Variants in MSLN observed in about 807,000 individuals in gnomAD.
MSLN encodes the protein CAK1 antigen.
MSLN carries 82 observed loss-of-function variants against 72.6 expected under a neutral mutation model. The ratio of observed to expected loss-of-function variants is 1.13; its 90% confidence interval spans 0.94 to 1.36. MSLN has a LOEUF of 1.36. MSLN is among the 40% of genes most tolerant of loss of function. MSLN has a pLI of 0.00. For missense variants in MSLN, 1,005 were observed against 847.9 expected, an observed-to-expected ratio of 1.19 and a Z score of -2.30; for synonymous variants, 456 against 387.3, an observed-to-expected ratio of 1.18 and a Z score of -2.08.
intron 6 of MSLN, 92 bp downstream of exon 6, chr16:764,235 C>T: frequency 6.8e-7 from 1 of 1,472,736 alleles, no homozygotes; most frequent in Non-Finnish European, 9.1e-7. Flanking sequence ...ACCACGGTCC[C>T]CTCTGTCCCT....
At position 768,386 on chromosome 16, in the gene MSLN, CTG is replaced by C. The variant is rs1456552408; in HGVS notation, c.1607_1608del (p.Val536GlyfsTer2). On this transcript the variant is annotated frameshift_variant, in exon 17 of 18. Coordinates refer to ENST00000545450, the MANE Select transcript of MSLN (RefSeq NM_005823.6). LOFTEE classifies it high-confidence loss of function. The stretch of plus-strand genomic sequence containing the variant: ...GCCCGGGGTCTCTGGCAGCCGTTGA[CTG>C]TGGCTGAGGTGCAGAAACTTCTGGG... 2.0e-6 allele frequency: 3 copies of C among 1,506,290 alleles called. No homozygotes were observed. Among genetic ancestry groups the C allele is most frequent in the Non-Finnish European group, 2.7e-6 (3 of 1,126,330 alleles). The allele number at this position is 1,506,290 out of a possible 1,614,324, so 93.3% of individuals were successfully genotyped here.
At chr16:767,144 C>G in intron 15 of MSLN, 132 bp downstream of exon 15, 1 of 1,440,680 alleles carries the variant, frequency 6.9e-7, no homozygotes, top group Non-Finnish European at 9.5e-7. Flanking sequence ...CGCCCTCTGC[C>G]CCCCGGGGTG....
intron 16 of MSLN, among the ~76,000 whole-genome samples, chr16:768,042 A>AG (rs1272583321): frequency 2.1e-4 from 7 of 32,610 alleles, no homozygotes; most frequent in Non-Finnish European, 1.1e-4. Context: ...GGGCGCGTGG[A>AG]GGGGGCGCGT....
chr16:767,282 G>C (rs1030317836), intron 15 of MSLN, 94 bp from the exon 16 acceptor site: 5 of 1,241,976 alleles, frequency 4.0e-6, no homozygotes, highest in Non-Finnish European at 5.9e-6. Context: ...AAAAAGGGAA[G>C]CCCTGTAAGG....
chr16:763,602 A>T lies in MSLN; in HGVS notation c.130-40A>T, dbSNP rs142119663. 1,375 of 1,559,564 alleles carry T rather than the reference A, an allele frequency of 8.8e-4. 8 individuals are homozygous for T. In the African/African-American group the frequency reaches 0.017, roughly 19 times the overall value. ...GGACCTGGGAACTCCTGCTCCAGAG[A>T]GCTGGTCTGAGCCATGTTCAGCAGG... On this transcript the variant is annotated intron_variant, in intron 4 of 17. Coordinates refer to ENST00000545450, the MANE Select transcript of MSLN (RefSeq NM_005823.6).
In MSLN at chr16:766,372, A is replaced by C; in HGVS notation, c.1112A>C (p.His371Pro). The change falls in exon 13 of 18, where the codon CAC becomes CCC. Residue 371 changes from histidine (H) to proline (P), a missense_variant. Physicochemically the swap from His to Pro is moderately conservative, Grantham distance 77. Coordinates refer to ENST00000545450, the MANE Select transcript of MSLN (RefSeq NM_005823.6). ...GGTTACCCCGAGTCTGTGATCCAGC[A>C]CCTGGGCTACCTCTTCCTCAAGATG... is the stretch of plus-strand genomic sequence containing the variant. ...PQGYPESVIQ[H>P]LGYLFLKMSP... 6.2e-7 allele frequency: 1 copy of C among 1,612,676 alleles called. No homozygotes were observed. Among genetic ancestry groups the C allele is most frequent in the Non-Finnish European group, 8.5e-7 (1 of 1,179,912 alleles).
chr16:767,353 C>G, intron 15 of MSLN, 23 bp from the exon 16 acceptor site: 4 of 1,604,882 alleles, frequency 2.5e-6, no homozygotes, highest in Non-Finnish European at 3.4e-6. Flanking sequence ...GGCCTCAGCT[C>G]GGGCCCCTCT....
chr16:763,768 A>ATCCCCCGTCCCC (rs2041565503), intron 5 of MSLN, 77 bp downstream of exon 5: 8 of 131,248 alleles, frequency 6.1e-5, no homozygotes, highest in Admixed American at 5.2e-4. Flanking sequence ...AGGGCACCCC[A>ATCCCCCGTCCCC]TCCCCCAGCA....
intron 13 of MSLN, 33 bp from the exon 14 acceptor site, chr16:766,635 T>C: frequency 6.2e-7 from 1 of 1,611,862 alleles, no homozygotes; most frequent in Non-Finnish European, 8.5e-7. Context: ...CATCTCTCCT[T>C]GCCACAAGGC....
chr16:762,672 A>C lies in MSLN; in HGVS notation c.-9A>C, dbSNP rs780055713. On this transcript the variant is annotated splice_region_variant and 5_prime_UTR_variant, in exon 3 of 18. Transcript: ENST00000545450. ...CATCCTGAGTCACTGCCCTCCACAG[A>C]CACAGACCATGGCCTTGCCAACGGC... is the stretch of plus-strand genomic sequence containing the variant. 1 of 1,611,152 alleles carries C rather than the reference A, an allele frequency of 6.2e-7. No individual in the cohort carries two copies. The highest frequency in any genetic ancestry group is 8.5e-7 in the Non-Finnish European group (1 of 1,178,660).
chr16:767,997 TGGA>T (rs1237991414), intron 16 of MSLN, among the ~76,000 whole-genome samples: 2 of 15,114 alleles, frequency 1.3e-4, no homozygotes, highest in Non-Finnish European at 9.9e-5. Flanking sequence ...GGGGGGCGCG[TGGA>T]GGAGGAGGGG....
At position 765,793 on chromosome 16, in the gene MSLN, G is replaced by A. The variant is rs1273081676; in HGVS notation, c.895+3G>A. 2 of 1,597,800 alleles carry A rather than the reference G, an allele frequency of 1.3e-6. No individual in the cohort carries two copies. The highest frequency in any genetic ancestry group is 1.1e-5 in the South Asian group (1 of 90,802). On this transcript the variant is annotated splice_donor_region_variant and intron_variant, in intron 11 of 17. Coordinates refer to ENST00000545450, the MANE Select transcript of MSLN (RefSeq NM_005823.6). ...GCGGTTCCGGCGGGAAGTGGAGAGTGAGTGCCGTGCCCTGCGCAGTCTGGC... is the reference window on the plus strand; with the variant it reads ...GCGGTTCCGGCGGGAAGTGGAGAGTAAGTGCCGTGCCCTGCGCAGTCTGGC...
Position 762,875 on chromosome 16 carries a change from G to T in MSLN, c.85+110G>T, listed in dbSNP as rs2041554035. 10 of 885,394 alleles carry T rather than the reference G, an allele frequency of 1.1e-5. No individual in the cohort carries two copies. In the South Asian group the frequency reaches 1.3e-4, roughly 12 times the overall value. 54.8% of individuals were successfully genotyped at this position (885,394 alleles called of 1,614,324 possible). ...CTGCCTTCTCCCTGGAGTGCCTGTG[G>T]TGGCCACGTCTCAGCAGCAGTCTCT... On this transcript the variant is annotated intron_variant, in intron 3 of 17. Coordinates refer to ENST00000545450, the MANE Select transcript of MSLN (RefSeq NM_005823.6).
chr16:768,059 G>A (rs1373062832), intron 16 of MSLN, among the ~76,000 whole-genome samples: 2 of 108,798 alleles, frequency 1.8e-5, no homozygotes, highest in Non-Finnish European at 3.8e-5. Context: ...GCGTGGAGGA[G>A]GGGCACATGG....
In MSLN at chr16:766,178, G is replaced by A. The variant is rs930141057; in HGVS notation, c.1015G>A (p.Val339Met). The A allele has an allele frequency of 1.5e-5, 24 of 1,612,528 alleles. No homozygotes were observed. The highest frequency in any genetic ancestry group is 1.3e-4 in the Admixed American group (8 of 60,000). ...CCTGCTGGCCACCCAGATGGACCGC[G>A]TGAACGCCATCCCCTTCACCTACGA... ...AALLATQMDR[V>M]NAIPFTYEQL... Residue 339 changes from valine to methionine, a missense_variant, in exon 12 of 18, where the codon GTG becomes ATG. Physicochemically the swap from Val to Met is conservative, Grantham distance 21. Transcript: ENST00000545450.
At position 764,901 on chromosome 16, in the gene MSLN, T is replaced by G; in HGVS notation, c.381-6T>G. The G allele has an allele frequency of 6.2e-7, 1 of 1,610,898 alleles. No homozygotes were observed. Among genetic ancestry groups the G allele is most frequent in the Non-Finnish European group, 8.5e-7 (1 of 1,179,120 alleles). On this transcript the variant is annotated splice_region_variant and splice_polypyrimidine_tract_variant and intron_variant, in intron 7 of 17. Transcript: ENST00000545450. ...GCGGCCTGTCCCCAGCACCCTCTCT[T>G]CACAGCCCAGATGCGTTCTCGGGGC... is the stretch of plus-strand genomic sequence containing the variant.
At chr16:763,722 G>A (rs1330542488) in intron 5 of MSLN, 31 bp downstream of exon 5, 7 of 1,056,356 alleles carry the variant, frequency 6.6e-6, no homozygotes, top group Non-Finnish European at 8.0e-6. Flanking sequence ...GTCCTCAAGG[G>A]TGAGGCTCGA....
Position 765,715 on chromosome 16 carries a change from C to T in MSLN, c.820C>T (p.Arg274Cys), listed in dbSNP as rs759331194. The change falls in exon 11 of 18, where the codon CGC becomes TGC. Residue 274 changes from arginine (R) to cysteine (C), a missense_variant. Transcript: ENST00000545450. ...PQGIVAAWRQRSSRDPSWRQP... is the reference protein window; with the variant it reads ...PQGIVAAWRQCSSRDPSWRQP... ...GGGCATCGTGGCCGCGTGGCGGCAA[C>T]GCTCCTCTCGGGACCCATCCTGGCG... is the stretch of plus-strand genomic sequence containing the variant. 1.9e-5 allele frequency: 30 copies of T among 1,600,812 alleles called. No homozygotes were observed. The highest frequency in any genetic ancestry group is 1.6e-4 in the Middle Eastern group (1 of 6,070).
rs1356272437 is a variant in MSLN at position 766,984 on chromosome 16, A to G, written c.1473A>G (p.Glu491=). 2 of 1,612,496 alleles carry G rather than the reference A, an allele frequency of 1.2e-6. No homozygotes were observed. Among genetic ancestry groups the G allele is most frequent in the African/African-American group, 1.3e-5 (1 of 74,916 alleles). ...CTTTCCAGAACATGAACGGGTCCGA[A>G]TACTTCGTGAAGATCCAGTCCTTCC... The part of the protein sequence containing the change: ...RLAFQNMNGS[E]YFVKIQSFLG... Residue 491 remains glutamate (E), a synonymous_variant, in exon 15 of 18, where the codon GAA becomes GAG. Coordinates refer to ENST00000545450, the MANE Select transcript of MSLN (RefSeq NM_005823.6).
Sources: allele counts gnomAD v4.1 joint callset (sites outside exome capture counted in the v4.1 genomes callset), GRCh38; gene constraint gnomAD v4.1.1; transcripts MANE v1.5; gene names NCBI Gene and HGNC (gene_info 2026-07-23, HGNC 2026-07-21).